The following SP140L variants were observed in gnomAD, a reference collection of about 807,000 sequenced individuals.
SP140L encodes nuclear body protein SP140-like protein.
A neutral mutation model predicts 84.3 loss-of-function variants in SP140L; 64 were observed. The ratio of observed to expected loss-of-function variants is 0.76; its 90% CI spans 0.62 to 0.94. The LOEUF is 0.94. Ranked by LOEUF, SP140L falls within the 40% of genes least tolerant of loss-of-function variation. SP140L has a pLI of 0.00. For missense variants in SP140L, 628 were observed against 692.5 expected (o/e 0.91, Z 1.05); for synonymous variants, 242 against 236.9 (o/e 1.02, Z -0.20).
chr2:230,349,348 G>C (rs1293675351), intron 2 of SP140L, among the ~76,000 whole-genome samples: 1 of 151,972 alleles, frequency 6.6e-6, no homozygotes, highest in Non-Finnish European at 1.5e-5. Context: ...GGCTATTCTG[G>C]GTTCTTGCAA....
chr2:230,400,432 C>T (rs1432650909), intron 15 of SP140L, 190 bp downstream of exon 15: 2 of 592,040 alleles, frequency 3.4e-6, no homozygotes, highest in African/African-American at 3.7e-5. Flanking sequence ...TCTCTGTGCT[C>T]TCAGGGACAC....
At chr2:230,400,335 T>C in intron 15 of SP140L, 93 bp downstream of exon 15, 1 of 1,304,104 alleles carries the variant, frequency 7.7e-7, no homozygotes, top group Non-Finnish European at 1.1e-6. Flanking sequence ...TGTGTCTAGA[T>C]GGGGAAGGAG....
At chr2:230,356,514 C>A (rs2060553332) in intron 2 of SP140L, among the ~76,000 whole-genome samples, 1 of 152,186 alleles carries the variant, frequency 6.6e-6, no homozygotes, top group Non-Finnish European at 1.5e-5. Flanking sequence ...TATATGAAAT[C>A]CAAGAGCAGG....
chr2:230,335,702 A>G (rs1342856183), intron 2 of SP140L, among the ~76,000 whole-genome samples: 1 of 152,004 alleles, frequency 6.6e-6, no homozygotes, highest in Non-Finnish European at 1.5e-5. Flanking sequence ...CAGATGGGAG[A>G]GAAAGTGGGA....
chr2:230,340,139 G>A (rs941209237), intron 2 of SP140L, among the ~76,000 whole-genome samples: 1 of 151,232 alleles, frequency 6.6e-6, no homozygotes, highest in Non-Finnish European at 1.5e-5. Context: ...TCTCTTTGTA[G>A]GTCACTCAGG....
intron 8 of SP140L, 107 bp from the exon 9 acceptor site, chr2:230,385,117 A>G: frequency 9.6e-7 from 1 of 1,043,502 alleles, no homozygotes; most frequent in Middle Eastern, 2.1e-4. Flanking sequence ...CACCTGCTCG[A>G]GGGGATCCAG....
At chr2:230,327,814 A>G (rs940515829) in intron 1 of SP140L, among the ~76,000 whole-genome samples, 5 of 152,196 alleles carry the variant, frequency 3.3e-5, no homozygotes, top group African/African-American at 1.2e-4. Flanking sequence ...CTGTCTTGGC[A>G]AGGGGCCTCA....
intron 2 of SP140L, among the ~76,000 whole-genome samples, chr2:230,352,268 C>G (rs975338263): frequency 6.6e-6 from 1 of 151,916 alleles, no homozygotes; most frequent in African/African-American, 2.4e-5. Flanking sequence ...CATTCTCATA[C>G]TGCTACAAAG....
chr2:230,384,563 T>A (rs1206218068), intron 8 of SP140L, among the ~76,000 whole-genome samples: 1 of 152,218 alleles, frequency 6.6e-6, no homozygotes, highest in Non-Finnish European at 1.5e-5. Flanking sequence ...CTGCCCGGCT[T>A]GTGGATGTAC....
chr2:230,351,077 G>A (rs569457880), intron 2 of SP140L, among the ~76,000 whole-genome samples: 1 of 152,286 alleles, frequency 6.6e-6, no homozygotes, highest in Non-Finnish European at 1.5e-5. Context: ...AAGTTCTGCA[G>A]TTCTTGTTTC....
intron 14 of SP140L, among the ~76,000 whole-genome samples, chr2:230,398,401 A>G (rs532015016): frequency 8.5e-5 from 13 of 152,144 alleles, no homozygotes; most frequent in African/African-American, 1.9e-4. Context: ...AAGTTTGGAG[A>G]AAAAAAAGGG....
At chr2:230,342,591 C>T (rs932091932) in intron 2 of SP140L, among the ~76,000 whole-genome samples, 1 of 152,120 alleles carries the variant, frequency 6.6e-6, no homozygotes, top group Non-Finnish European at 1.5e-5. Flanking sequence ...TTGGTCTCTT[C>T]AGATTATCTG....
chr2:230,370,019 A>G (rs557094917), intron 5 of SP140L, among the ~76,000 whole-genome samples: 3 of 147,658 alleles, frequency 2.0e-5, no homozygotes, highest in Admixed American at 6.6e-5. Context: ...TGATTTGCCC[A>G]CCTCAGCCTC....
At chr2:230,358,593 CTT>C (rs768754091) in intron 3 of SP140L, among the ~76,000 whole-genome samples, 8 of 152,156 alleles carry the variant, frequency 5.3e-5, no homozygotes, top group Non-Finnish European at 1.0e-4. Context: ...CCAAATCAGT[CTT>C]GGGGGAAGAG....
At chr2:230,332,801 G>T (rs926463487) in intron 2 of SP140L, among the ~76,000 whole-genome samples, 11 of 152,078 alleles carry the variant, frequency 7.2e-5, no homozygotes, top group Admixed American at 2.0e-4. Context: ...TTATTTTCTT[G>T]GGGGAGCCCT....
intron 2 of SP140L, among the ~76,000 whole-genome samples, chr2:230,336,850 T>C (rs918246984): frequency 6.6e-6 from 1 of 152,198 alleles, no homozygotes. Flanking sequence ...TTTATCAGTA[T>C]GCAAAAAACT....
At chr2:230,385,132 A>C in intron 8 of SP140L, 92 bp from the exon 9 acceptor site, 572 of 1,276,136 alleles carry the variant, frequency 4.5e-4, no homozygotes, top group Non-Finnish European at 5.8e-4. Flanking sequence ...ATCCAGAGTG[A>C]AACCCAGGAC....
intron 2 of SP140L, among the ~76,000 whole-genome samples, chr2:230,329,502 A>G (rs938575379): frequency 6.6e-6 from 1 of 152,172 alleles, no homozygotes; most frequent in African/African-American, 2.4e-5. Flanking sequence ...TGTAATTTCC[A>G]GGTGTTGAGA....
chr2:230,341,867 G>A (rs376328827), intron 2 of SP140L, among the ~76,000 whole-genome samples: 93 of 152,046 alleles, frequency 6.1e-4, no homozygotes, highest in East Asian at 1.2e-3. Flanking sequence ...CTCCAGCTGC[G>A]TGCTGGGAGA....
Sources: gnomAD v4.1 joint callset for allele counts (sites outside exome capture counted in the v4.1 genomes callset) on GRCh38, gnomAD v4.1.1 for gene constraint, MANE v1.5 for transcripts, NCBI Gene and HGNC (gene_info 2026-07-23, HGNC 2026-07-21) for gene names.